The following RNF213 variants were observed in gnomAD, a reference collection of about 807,000 sequenced individuals.
RNF213 encodes the protein E3 ubiquitin-protein ligase RNF213.
A neutral mutation model predicts 514.4 loss-of-function variants in RNF213; 341 were observed. The observed-to-expected ratio is 0.66, with a 90% CI of 0.61 to 0.73. The LOEUF is 0.73. Among genes scored for constraint, RNF213 ranks in the 30% least tolerant of loss-of-function variants. The pLI is 0.00. For missense variants in RNF213, 5,767 were observed against 6,615.6 expected (o/e 0.87, Z 4.45); for synonymous variants, 2,655 against 2,658.2 (o/e 1.00, Z 0.04).
At position 80,320,047 on chromosome 17, in the gene RNF213, G is replaced by A. The variant is rs28771970; in HGVS notation, c.3024+735G>A. ...TTGAGATATTGTTCGTATGCCATACGGTACATCTGTCAAAAGTTCCAGTTC... is the reference window on the plus strand; with the variant it reads ...TTGAGATATTGTTCGTATGCCATACAGTACATCTGTCAAAAGTTCCAGTTC... On this transcript the variant is annotated intron_variant, in intron 17 of 67. Transcript: ENST00000582970. The A allele has an allele frequency of 6.5e-3, 6,520 of 1,004,368 alleles. 341 individuals are homozygous for A. The African/African-American group carries it at 0.11, about 16-fold the overall frequency. The allele number at this position is 1,004,368 out of a possible 1,614,324, so 62.2% of individuals were successfully genotyped here.
Position 80,363,729 on chromosome 17 carries a change from T to G in RNF213, c.11689T>G (p.Cys3897Gly). 2 of 1,613,810 alleles carry G rather than the reference T, an allele frequency of 1.2e-6. No individual in the cohort carries two copies. The highest frequency in any genetic ancestry group is 1.1e-5 in the South Asian group (1 of 91,062). The change falls in exon 41 of 68, where the codon TGC (cysteine) becomes GGC (glycine). Residue 3897 changes from cysteine (C) to glycine (G), a missense_variant. By Grantham distance (159) the Cys-to-Gly change is radical. Coordinates refer to ENST00000582970, the MANE Select transcript of RNF213 (RefSeq NM_001256071.3). ...TCTTTCCATGCCGCTGGAGCTCATCTGCTCCGATGAGCACATGCAAGGCAG... is the reference window on the plus strand; with the variant it reads ...TCTTTCCATGCCGCTGGAGCTCATCGGCTCCGATGAGCACATGCAAGGCAG... The part of the protein sequence containing the change: ...KNLSMPLELI[C>G]SDEHMQGSGS...
In RNF213 at chr17:80,294,732, A is replaced by G. The variant is rs1422174711; in HGVS notation, c.1484A>G (p.Tyr495Cys). ...SLLGSGDWHQ[Y>C]YDIVYMKPHG... is the part of the protein sequence containing the mutation. ...CTGTCCCTCTTAGACTGGCATCAGT[A>G]CTATGACATAGTTTATATGAAGCCT... is the stretch of plus-strand genomic sequence containing the variant. Residue 495 changes from tyrosine (Y) to cysteine (C), a missense_variant, in exon 9 of 68, where the codon TAC becomes TGC. This residue lies in a region of RNF213 where 592 missense variants were observed against 673.9 expected (regional missense o/e 0.88). Transcript: ENST00000582970. The G allele has an allele frequency of 2.5e-6, 4 of 1,613,950 alleles. No homozygotes were observed. The highest frequency in any genetic ancestry group is 3.4e-6 in the Non-Finnish European group (4 of 1,180,048).
rs1176982050 is a variant in RNF213, at chr17:80,288,198, C to T, written c.645C>T (p.Gly215=). Residue 215 remains glycine, a synonymous_variant, in exon 4 of 68, where the codon GGC becomes GGT. Transcript: ENST00000582970. The surrounding 1 kb of genome is among the most constrained non-coding windows in gnomAD (Gnocchi z 4.9). ...QDASIPSGGR[G]LSQEGTGPPT... ...CTTCCATCCCCTCTGGGGGCAGAGGCCTGTCCCAGGAGGGGACCGGTCCCC... is the reference window on the plus strand; with the variant it reads ...CTTCCATCCCCTCTGGGGGCAGAGGTCTGTCCCAGGAGGGGACCGGTCCCC... The T allele has an allele frequency of 1.9e-6, 3 of 1,612,752 alleles. No homozygotes were observed. The highest frequency in any genetic ancestry group is 1.3e-5 in the African/African-American group (1 of 74,922).
intron 29 of RNF213, among the ~76,000 whole-genome samples, chr17:80,348,877 G>A (rs1799212019): frequency 6.6e-6 from 1 of 152,214 alleles, no homozygotes; most frequent in African/African-American, 2.4e-5. Flanking sequence ...GAGAACTACT[G>A]GAGGCCCTCA....
chr17:80,376,599 C>T lies in RNF213; in HGVS notation c.13428+56C>T, dbSNP rs1599177451. ...CACTGGAACACCCCCCAGAGCTTGT[C>T]ACTGTAGAGACCGAGCTGCAGCTGT... On this transcript the variant is annotated intron_variant, in intron 52 of 67. Transcript: ENST00000582970. 3.1e-6 allele frequency: 5 copies of T among 1,611,812 alleles called. No homozygotes were observed. In the East Asian group the frequency reaches 1.1e-4, roughly 36 times the overall value.
At chr17:80,385,476 GTGGTT>G (rs1439768924) in intron 60 of RNF213, 57 bp from the exon 61 acceptor site, 1 of 1,394,004 alleles carries the variant, frequency 7.2e-7, no homozygotes, top group East Asian at 2.3e-5. Flanking sequence ...TGTAACTAGG[GTGGTT>G]TGGCCCTTTC....
intron 22 of RNF213, among the ~76,000 whole-genome samples, 197 bp from the exon 23 acceptor site, chr17:80,335,964 G>A (rs1197097367): frequency 7.4e-6 from 1 of 135,644 alleles, no homozygotes; most frequent in East Asian, 2.1e-4. Context: ...GTGACAGAGT[G>A]AGACTCTGTC....
At chr17:80,370,015 A>G (rs1402349785) in intron 46 of RNF213, 148 bp downstream of exon 46, 8 of 709,936 alleles carry the variant, frequency 1.1e-5, no homozygotes, top group Non-Finnish European at 2.1e-5. Context: ...GGTTACTTGT[A>G]CTGGTTGTGT....
At chr17:80,367,106 A>G (rs2079305104) in intron 42 of RNF213, among the ~76,000 whole-genome samples, 2 of 146,816 alleles carry the variant, frequency 1.4e-5, no homozygotes, top group African/African-American at 4.9e-5. Context: ...TACAGGAGTG[A>G]TCTGGACCTA....
intron 23 of RNF213, chr17:80,336,874 C>T (rs1001298528): frequency 4.6e-6 from 1 of 216,468 alleles, no homozygotes; most frequent in African/African-American, 2.4e-5. Flanking sequence ...GTACTCCAGC[C>T]TGAGTGACAA....
rs375688032 is a variant in RNF213, at chr17:80,346,514, C to T, written c.8179C>T (p.Arg2727Trp). 82 of 1,613,626 alleles carry T rather than the reference C, an allele frequency of 5.1e-5. No individual in the cohort carries two copies. The highest frequency in any genetic ancestry group is 2.7e-4 in the Admixed American group (16 of 60,022). ...DSRLLLDEIT[R>W]AQDLFLDGVP... ...CAGGCTGCTTCTGGATGAAATAACA[C>T]GGGCACAGGATCTTTTTCTGGACGG... Residue 2727 changes from arginine to tryptophan, a missense_variant, in exon 29 of 68, where the codon CGG becomes TGG. Arg to Trp is a moderately radical substitution (Grantham distance 101). Coordinates refer to ENST00000582970, the MANE Select transcript of RNF213 (RefSeq NM_001256071.3). The surrounding 1 kb of genome is among the most constrained non-coding windows in gnomAD (Gnocchi z 8.1).
At chr17:80,374,051 T>A (rs1191119143) in intron 49 of RNF213, among the ~76,000 whole-genome samples, 1 of 150,918 alleles carries the variant, frequency 6.6e-6, no homozygotes, top group African/African-American at 2.4e-5. Flanking sequence ...TCAGTGGTCC[T>A]TTCCAGATAC....
intron 67 of RNF213, among the ~76,000 whole-genome samples, chr17:80,391,100 A>G (rs2080454045): frequency 6.6e-6 from 1 of 152,304 alleles, no homozygotes; most frequent in Non-Finnish European, 1.5e-5. Context: ...AGCTATACCA[A>G]TGTATAAAGA....
At chr17:80,305,108 C>G (rs1369523231) in intron 11 of RNF213, among the ~76,000 whole-genome samples, 2 of 151,842 alleles carry the variant, frequency 1.3e-5, no homozygotes, top group Admixed American at 6.6e-5. Context: ...CTGCTGGCCT[C>G]AAGCTATCCA....
At chr17:80,323,843 G>GGT (rs2046210391) in intron 17 of RNF213, among the ~76,000 whole-genome samples, 2 of 147,340 alleles carry the variant, frequency 1.4e-5, no homozygotes. Flanking sequence ...TTGGGGGGGG[G>GGT]TGCTATTGTA....
chr17:80,374,676 G>A, intron 50 of RNF213, 87 bp downstream of exon 50: 3 of 1,495,592 alleles, frequency 2.0e-6, no homozygotes, highest in Non-Finnish European at 2.8e-6. Context: ...ATGATGCAGG[G>A]TGATGGACCA....
At chr17:80,311,690 GC>G (rs2045579516) in intron 14 of RNF213, among the ~76,000 whole-genome samples, 1 of 152,302 alleles carries the variant, frequency 6.6e-6, no homozygotes, top group Admixed American at 6.5e-5. Context: ...CTCTCGGGCA[GC>G]CCCGCCCAGC....
chr17:80,322,152 C>G (rs6565670), intron 17 of RNF213, among the ~76,000 whole-genome samples: 2 of 38,932 alleles, frequency 5.1e-5, no homozygotes, highest in African/African-American at 1.1e-4. Flanking sequence ...TCATCCCCCC[C>G]ACCCCCCCTT....
Position 80,350,368 on chromosome 17 carries a change from C to T in RNF213, c.10156C>T (p.Arg3386Cys), listed in dbSNP as rs371874765. The change falls in exon 31 of 68, where the codon CGT (arginine) becomes TGT (cysteine). Residue 3386 changes from arginine (R) to cysteine (C), a missense_variant. Transcript: ENST00000582970. The stretch of plus-strand genomic sequence containing the variant: ...TCAGACAGATTTTGAAGATGGAATC[C>T]GTAGCGCCCAGCTCATTGCCTCAGC... ...IFQTDFEDGI[R>C]SAQLIASAKY... 1.3e-5 allele frequency: 21 copies of T among 1,610,986 alleles called. No individual in the cohort carries two copies. The highest frequency in any genetic ancestry group is 5.3e-5 in the African/African-American group (4 of 74,844).
Sources: allele counts gnomAD v4.1 joint callset (sites outside exome capture counted in the v4.1 genomes callset), GRCh38; gene constraint gnomAD v4.1.1; regional missense constraint gnomAD v4.1.1; non-coding constraint Gnocchi (gnomAD v3.1); transcripts MANE v1.5; gene names NCBI Gene and HGNC (gene_info 2026-07-23, HGNC 2026-07-21).